The following DIAPH2 variants were observed in gnomAD, a reference collection of about 807,000 sequenced individuals.
DIAPH2 encodes protein diaphanous homolog 2.
Under a neutral mutation model 92.7 loss-of-function variants are expected in DIAPH2, and 35 were observed. That is an observed-to-expected ratio of 0.38 (90% confidence interval 0.29 to 0.50). The LOEUF (loss-of-function observed/expected upper bound fraction) is 0.50. DIAPH2 is among the 20% of genes least tolerant of loss of function. DIAPH2 has a pLI of 0.94. For missense variants in DIAPH2, 701 were observed against 819.5 expected, an observed-to-expected ratio of 0.86 and a Z score of 1.77; for synonymous variants, 301 against 280.4, an observed-to-expected ratio of 1.07 and a Z score of -0.73.
At chrX:97,512,236 G>C (rs1261051231) in intron 26 of DIAPH2, among the ~76,000 whole-genome samples, 1 of 113,513 alleles carries the variant, frequency 8.8e-6, no homozygotes, top group Non-Finnish European at 1.9e-5. Context: ...GTTTAGTCTT[G>C]GGAGGGTGTA....
intron 4 of DIAPH2, among the ~76,000 whole-genome samples, chrX:96,877,271 A>T (rs2065186808): frequency 8.9e-6 from 1 of 112,065 alleles, no homozygotes; most frequent in East Asian, 2.8e-4. Context: ...CAACAGTATG[A>T]ACCTTTGTAG....
chrX:96,918,418 G>A, intron 8 of DIAPH2, 91 bp from the exon 9 acceptor site: 1 of 545,029 alleles, frequency 1.8e-6, no homozygotes, highest in Non-Finnish European at 2.9e-6. Context: ...TCAAATACCA[G>A]AAAGAAAACA....
intron 12 of DIAPH2, among the ~76,000 whole-genome samples, chrX:96,940,098 A>AT (rs1158503487): frequency 9.0e-6 from 1 of 110,702 alleles, no homozygotes; most frequent in African/African-American, 3.3e-5. Flanking sequence ...CCTGCAATGA[A>AT]TTTTCTTTGC....
intron 24 of DIAPH2, among the ~76,000 whole-genome samples, chrX:97,368,565 C>T (rs1755273580): frequency 9.0e-6 from 1 of 111,519 alleles, no homozygotes; most frequent in Non-Finnish European, 1.9e-5. Context: ...GCCAGTGCCC[C>T]TCCCATGCAA....
intron 4 of DIAPH2, among the ~76,000 whole-genome samples, chrX:96,845,697 C>T (rs2064966534): frequency 8.9e-6 from 1 of 112,434 alleles, no homozygotes; most frequent in South Asian, 3.6e-4. Flanking sequence ...TTATATTTTA[C>T]GTTTAACCTT....
chrX:97,500,630 A>G (rs1394829518), intron 26 of DIAPH2, among the ~76,000 whole-genome samples: 1 of 108,334 alleles, frequency 9.2e-6, no homozygotes, highest in African/African-American at 3.3e-5. Context: ...GCTTTTGCGT[A>G]GAACATTTCT....
intron 19 of DIAPH2, among the ~76,000 whole-genome samples, chrX:97,090,297 C>CTTTT: frequency 2.0e-5 from 1 of 51,094 alleles, no homozygotes; most frequent in African/African-American, 6.3e-5. Flanking sequence ...GTCTCTGATC[C>CTTTT]CTTTTTTTTT....
At chrX:97,038,781 A>T (rs1230718536) in intron 17 of DIAPH2, among the ~76,000 whole-genome samples, 2 of 110,404 alleles carry the variant, frequency 1.8e-5, no homozygotes, top group Non-Finnish European at 1.9e-5. Flanking sequence ...TGTTCATGTG[A>T]TTTGCCCACT....
chrX:97,194,579 C>G (rs1425604584), intron 22 of DIAPH2, among the ~76,000 whole-genome samples: 3 of 111,366 alleles, frequency 2.7e-5, no homozygotes, highest in African/African-American at 9.8e-5. Flanking sequence ...CCACTGCACC[C>G]GGCCCCTAGA....
intron 20 of DIAPH2, among the ~76,000 whole-genome samples, chrX:97,114,244 G>A (rs1036752089): frequency 1.4e-4 from 14 of 103,520 alleles, no homozygotes; most frequent in Admixed American, 3.0e-4. Flanking sequence ...ATTATTAAAT[G>A]CTCAATCAGA....
At chrX:97,398,179 T>C (rs763461782) in intron 25 of DIAPH2, among the ~76,000 whole-genome samples, 2 of 112,224 alleles carry the variant, frequency 1.8e-5, no homozygotes, top group South Asian at 7.5e-4. Context: ...TGGTTCTGAG[T>C]CAGAGCTCTC....
At chrX:97,224,241 G>A (rs993605306) in intron 22 of DIAPH2, among the ~76,000 whole-genome samples, 6 of 111,404 alleles carry the variant, frequency 5.4e-5, no homozygotes, top group East Asian at 2.8e-4. Context: ...ATCTTTTTAC[G>A]CTTTAATAAA....
chrX:97,491,751 T>C (rs1252423534), intron 26 of DIAPH2, among the ~76,000 whole-genome samples: 1 of 111,851 alleles, frequency 8.9e-6, no homozygotes, highest in Non-Finnish European at 1.9e-5. Context: ...TGCCCTTTTG[T>C]TGATTGTTTT....
chrX:96,954,667 T>C (rs999348565), intron 15 of DIAPH2, among the ~76,000 whole-genome samples: 1 of 112,500 alleles, frequency 8.9e-6, no homozygotes, highest in African/African-American at 3.2e-5. Context: ...CATTTAACTT[T>C]TTCTGCAGCT....
intron 22 of DIAPH2, among the ~76,000 whole-genome samples, chrX:97,185,334 T>C (rs2067575146): frequency 2.9e-5 from 1 of 34,996 alleles, no homozygotes; most frequent in African/African-American, 1.6e-4. Context: ...TGTGTATATA[T>C]ATATATGTAT....
chrX:96,974,587 C>T (rs1271935017), intron 17 of DIAPH2, among the ~76,000 whole-genome samples: 2 of 111,755 alleles, frequency 1.8e-5, no homozygotes. Context: ...TTTCAAAATA[C>T]TCTCTGAATT....
At chrX:96,839,589 A>G (rs1165897692) in intron 4 of DIAPH2, among the ~76,000 whole-genome samples, 1 of 111,858 alleles carries the variant, frequency 8.9e-6, no homozygotes. Context: ...ACAATTAAAT[A>G]CCTAATTTTT....
chrX:97,209,171 T>C (rs1183791727), intron 22 of DIAPH2, among the ~76,000 whole-genome samples: 1 of 111,042 alleles, frequency 9.0e-6, no homozygotes, highest in Admixed American at 9.7e-5. Context: ...TATTTCCTTT[T>C]AGATGTACCA....
At chrX:96,775,553 G>A (rs1171197141) in intron 4 of DIAPH2, among the ~76,000 whole-genome samples, 1 of 111,055 alleles carries the variant, frequency 9.0e-6, no homozygotes, top group Non-Finnish European at 1.9e-5. Context: ...GAAACATCTT[G>A]AGTGTTCACC....
Sources: gnomAD v4.1 joint callset for allele counts (sites outside exome capture counted in the v4.1 genomes callset) on GRCh38, gnomAD v4.1.1 for gene constraint, MANE v1.5 for transcripts, NCBI Gene and HGNC (gene_info 2026-07-23, HGNC 2026-07-21) for gene names.